Variants in COL25A1 observed in about 807,000 individuals in gnomAD.
The protein encoded by COL25A1 is collagen type XXV alpha 1 chain, also known as collagen alpha-1(XXV) chain.
In COL25A1, 103 loss-of-function variants were observed where a neutral mutation model predicts 128.4. The ratio of observed to expected loss-of-function variants is 0.80; its 90% CI spans 0.68 to 0.94. The LOEUF (loss-of-function observed/expected upper bound fraction) is 0.94. Among genes scored for constraint, COL25A1 ranks in the 40% least tolerant of loss-of-function variants. The probability of loss-of-function intolerance (pLI) is 0.00; values close to 1 mark genes in which losing one functional copy is unlikely to be tolerated. For missense variants in COL25A1, 745 were observed against 840.0 expected, an observed-to-expected ratio of 0.89 and a Z score of 1.40; for synonymous variants, 279 against 277.2, an observed-to-expected ratio of 1.01 and a Z score of -0.06.
chr4:108,904,070 C>T (rs10856996), intron 13 of COL25A1, among the ~76,000 whole-genome samples: 103,748 of 151,850 alleles, frequency 0.68, 36,736 homozygotes, highest in East Asian at 0.93. Flanking sequence ...CATTCTGTTA[C>T]TGTCCACACT....
intron 3 of COL25A1, among the ~76,000 whole-genome samples, chr4:109,203,269 C>T (rs7669054): frequency 1.3e-5 from 2 of 151,988 alleles, no homozygotes; most frequent in Non-Finnish European, 2.9e-5. Context: ...ACGAGCCATG[C>T]CTTCAAATTT....
intron 3 of COL25A1, among the ~76,000 whole-genome samples, chr4:109,061,573 A>G (rs1179296166): frequency 1.3e-5 from 2 of 152,228 alleles, no homozygotes; most frequent in African/African-American, 4.8e-5. Context: ...ATCTTGCTAA[A>G]CTAACTGAGA....
intron 3 of COL25A1, among the ~76,000 whole-genome samples, chr4:109,083,542 A>C (rs1342470151): frequency 7.3e-6 from 1 of 137,178 alleles, no homozygotes; most frequent in Non-Finnish European, 1.5e-5. Flanking sequence ...GACTCACTGC[A>C]AGCTCCGCCT....
Position 109,051,648 on chromosome 4 carries a change from CAG to C in COL25A1, c.368-1471_368-1470del, listed in dbSNP as rs1761007995. ...ACACACACACACACACACACACACA[CAG>C]ACATAATCTGATATATAAAACTTCC... On this transcript the variant is annotated intron_variant, in intron 3 of 37. Transcript: ENST00000399132. Among the ~76,000 whole-genome samples the C allele has an allele frequency of 2.1e-5, 3 of 142,372 alleles. No individual in the cohort carries two copies. The Admixed American group carries it at 2.1e-4, about 10-fold the overall frequency. 93.4% of individuals were successfully genotyped at this position (142,372 alleles called of 152,430 possible).
At chr4:109,098,645 A>G (rs979139961) in intron 3 of COL25A1, among the ~76,000 whole-genome samples, 26 of 152,240 alleles carry the variant, frequency 1.7e-4, no homozygotes, top group African/African-American at 2.4e-5. Context: ...GCCTTCATCA[A>G]TCTTCTTTAT....
intron 3 of COL25A1, among the ~76,000 whole-genome samples, chr4:109,081,236 T>C (rs1332033717): frequency 6.6e-6 from 1 of 152,206 alleles, no homozygotes; most frequent in African/African-American, 2.4e-5. Context: ...TTCAATACTC[T>C]ATCACCCACT....
At chr4:109,098,143 C>G (rs1294259168) in intron 3 of COL25A1, among the ~76,000 whole-genome samples, 4 of 152,130 alleles carry the variant, frequency 2.6e-5, no homozygotes, top group Non-Finnish European at 5.9e-5. Context: ...ACTTTTACTA[C>G]CCTTCATCAA....
chr4:108,911,423 A>G (rs55730440), intron 13 of COL25A1, among the ~76,000 whole-genome samples: 104,513 of 151,896 alleles, frequency 0.69, 37,352 homozygotes, highest in East Asian at 1. Context: ...ATACTTCGCA[A>G]TACTCTATAG....
At chr4:109,070,987 A>C (rs1037746520) in intron 3 of COL25A1, among the ~76,000 whole-genome samples, 1 of 152,128 alleles carries the variant, frequency 6.6e-6, no homozygotes, top group African/African-American at 2.4e-5. Flanking sequence ...CCGCATTGCC[A>C]AGACAATCCT....
intron 31 of COL25A1, among the ~76,000 whole-genome samples, chr4:108,837,911 G>T (rs921166255): frequency 1.3e-5 from 2 of 152,148 alleles, no homozygotes; most frequent in Non-Finnish European, 2.9e-5. Flanking sequence ...GTTTGTTGTG[G>T]GTCTTCCTCT....
rs549517656 is a variant in COL25A1, at chr4:109,012,634, G to A, written c.421-2259C>T. 1.6e-3 allele frequency among the ~76,000 whole-genome samples: 242 copies of A among 152,272 alleles called. 1 individual carries two copies. Among genetic ancestry groups the A allele is most frequent in the African/African-American group, 5.7e-3 (236 of 41,586 alleles). On this transcript the variant is annotated intron_variant, in intron 5 of 37. Transcript: ENST00000399132. ...CTTAGCACCTGGGCCAGCAGCTGCA[G>A]AGGGGGCGCCAGGTCCCCCGGCACT...
At chr4:108,997,187 GA>G (rs1195154330) in intron 6 of COL25A1, among the ~76,000 whole-genome samples, 1 of 152,044 alleles carries the variant, frequency 6.6e-6, no homozygotes, top group Non-Finnish European at 1.5e-5. Context: ...ATGAATCCAG[GA>G]GCTGTTTTTT....
chr4:109,075,317 G>T (rs10013703), intron 3 of COL25A1, among the ~76,000 whole-genome samples: 14,843 of 151,890 alleles, frequency 0.098, 989 homozygotes, highest in East Asian at 0.29. Context: ...TACTAAATTA[G>T]TTATCTAAAT....
At chr4:109,288,966 C>T (rs2346033) in intron 3 of COL25A1, among the ~76,000 whole-genome samples, 24,935 of 83,456 alleles carry the variant, frequency 0.3, 2,065 homozygotes, top group Middle Eastern at 0.38. Context: ...TATATATACA[C>T]ACACACACAC....
rs903417305 is a variant in COL25A1, at chr4:108,809,328, A to G, written c.*4599T>C. The G allele has an allele frequency of 2.6e-5, 4 of 152,142 alleles. No individual in the cohort carries two copies. Among genetic ancestry groups the G allele is most frequent in the Admixed American group, 6.5e-5 (1 of 15,272 alleles). 9.4% of individuals were successfully genotyped at this position (152,142 alleles called of 1,614,324 possible). On this transcript the variant is annotated 3_prime_UTR_variant, in exon 38 of 38. Coordinates refer to ENST00000399132, the MANE Select transcript of COL25A1 (RefSeq NM_198721.4). ...TTCTAAAGAAAAATCAGATACATAC[A>G]TCTTTTAAAATGTTATTAAGTTGAA...
At chr4:108,959,590 C>T (rs1468734989) in intron 8 of COL25A1, among the ~76,000 whole-genome samples, 1 of 152,182 alleles carries the variant, frequency 6.6e-6, no homozygotes. Flanking sequence ...TTGGCACATG[C>T]CATTACATTT....
At chr4:109,197,868 GTAAC>G (rs1464436589) in intron 3 of COL25A1, among the ~76,000 whole-genome samples, 1 of 151,932 alleles carries the variant, frequency 6.6e-6, no homozygotes, top group African/African-American at 2.4e-5. Context: ...ATAAAATTAA[GTAAC>G]TAACAAGTAC....
At chr4:109,016,448 G>A (rs1272977095) in intron 5 of COL25A1, among the ~76,000 whole-genome samples, 1 of 152,236 alleles carries the variant, frequency 6.6e-6, no homozygotes, top group Admixed American at 6.5e-5. Flanking sequence ...GGCGGAAAGG[G>A]GCGGGTCCCT....
intron 5 of COL25A1, among the ~76,000 whole-genome samples, chr4:109,012,009 A>AAGGTCTT (rs1553999160): frequency 1.3e-5 from 2 of 152,058 alleles, no homozygotes; most frequent in Admixed American, 6.5e-5. Context: ...AGACACTATG[A>AAGGTCTT]AGGTTTTTTG....
Sources: gnomAD v4.1 joint callset for allele counts (sites outside exome capture counted in the v4.1 genomes callset) on GRCh38, gnomAD v4.1.1 for gene constraint, MANE v1.5 for transcripts, NCBI Gene and HGNC (gene_info 2026-07-23, HGNC 2026-07-21) for gene names.